GPR137C: variants seen among roughly 807,000 people sequenced by gnomAD.
GPR137C encodes the protein integral membrane protein GPR137C.
GPR137C carries 27 observed loss-of-function variants against 43.4 expected under a neutral mutation model. The ratio of observed to expected loss-of-function variants is 0.62; its 90% CI spans 0.46 to 0.86. The LOEUF is 0.86. Among genes scored for constraint, GPR137C ranks in the 40% least tolerant of loss-of-function variants. The pLI, the probability that GPR137C is intolerant of heterozygous loss-of-function variation, is 0.00. For synonymous variants in GPR137C, 285 were observed against 226.9 expected, an observed-to-expected ratio of 1.26 and a Z score of -2.30; for missense variants, 522 against 534.6, an observed-to-expected ratio of 0.98 and a Z score of 0.23.
chr14:52,570,390 A>G (rs2139457527), intron 1 of GPR137C, among the ~76,000 whole-genome samples: 1 of 152,304 alleles, frequency 6.6e-6, no homozygotes, highest in African/African-American at 2.4e-5. Context: ...CACTGCAAAA[A>G]CATACCAGAT....
At chr14:52,572,072 C>A (rs920348685) in intron 1 of GPR137C, among the ~76,000 whole-genome samples, 7 of 152,122 alleles carry the variant, frequency 4.6e-5, no homozygotes, top group African/African-American at 1.7e-4. Context: ...CCGAGTAGAC[C>A]AATAACAACT....
intron 3 of GPR137C, among the ~76,000 whole-genome samples, chr14:52,623,092 C>G (rs1429758558): frequency 6.6e-6 from 1 of 152,078 alleles, no homozygotes; most frequent in African/African-American, 2.4e-5. Flanking sequence ...CTTGTGTTTC[C>G]TATCAGGCGT....
intron 1 of GPR137C, among the ~76,000 whole-genome samples, chr14:52,564,890 C>T (rs2038342837): frequency 6.6e-6 from 1 of 151,884 alleles, no homozygotes; most frequent in African/African-American, 2.4e-5. Context: ...TTTGGTCTAC[C>T]CTTTTCTTCC....
intron 3 of GPR137C, among the ~76,000 whole-genome samples, chr14:52,615,726 T>G (rs1406529379): frequency 1.3e-5 from 2 of 152,210 alleles, no homozygotes; most frequent in African/African-American, 4.8e-5. Flanking sequence ...TTGTGGCTAT[T>G]ATAAATGAGA....
At chr14:52,631,394 A>G (rs575858442) in intron 3 of GPR137C, among the ~76,000 whole-genome samples, 5 of 152,276 alleles carry the variant, frequency 3.3e-5, no homozygotes, top group African/African-American at 1.2e-4. Flanking sequence ...TTTCTGTGCA[A>G]TGGAACTCTT....
chr14:52,625,807 G>C (rs2039219435), intron 3 of GPR137C, among the ~76,000 whole-genome samples: 1 of 151,682 alleles, frequency 6.6e-6, no homozygotes, highest in Non-Finnish European at 1.5e-5. Flanking sequence ...ACCTACCTCG[G>C]CCTCCCAAAG....
chr14:52,591,719 A>G (rs1480717496), intron 1 of GPR137C, among the ~76,000 whole-genome samples: 2 of 151,944 alleles, frequency 1.3e-5, no homozygotes, highest in Non-Finnish European at 2.9e-5. Context: ...TAGATTCTGG[A>G]TATTAGCCCT....
chr14:52,609,490 C>T (rs926285743), intron 3 of GPR137C, among the ~76,000 whole-genome samples: 1 of 152,122 alleles, frequency 6.6e-6, no homozygotes, highest in African/African-American at 2.4e-5. Flanking sequence ...GTCTACACAC[C>T]AAGGGGTTAC....
intron 3 of GPR137C, among the ~76,000 whole-genome samples, chr14:52,608,421 C>A (rs1184034395): frequency 2.0e-5 from 3 of 152,142 alleles, no homozygotes; most frequent in East Asian, 1.9e-4. Flanking sequence ...ACATTTTGAA[C>A]GTTTGATGGC....
At chr14:52,628,386 AACAAGTG>A (rs1235956446) in intron 3 of GPR137C, among the ~76,000 whole-genome samples, 1 of 152,244 alleles carries the variant, frequency 6.6e-6, no homozygotes, top group African/African-American at 2.4e-5. Flanking sequence ...ATGTAAATGA[AACAAGTG>A]AAAAGCTTCC....
chr14:52,632,399 A>G, intron 4 of GPR137C, 90 bp downstream of exon 4: 1 of 884,040 alleles, frequency 1.1e-6, no homozygotes, highest in Admixed American at 2.6e-5. Context: ...ACTTACAAAC[A>G]CATTTATGGA....
intron 1 of GPR137C, among the ~76,000 whole-genome samples, chr14:52,554,352 G>C (rs778454278): frequency 1.3e-5 from 2 of 152,162 alleles, no homozygotes; most frequent in African/African-American, 2.4e-5. Flanking sequence ...CCACCAAACT[G>C]TTTTTGCAAT....
intron 3 of GPR137C, among the ~76,000 whole-genome samples, chr14:52,603,671 A>T (rs1182900150): frequency 6.6e-6 from 1 of 152,016 alleles, no homozygotes; most frequent in Non-Finnish European, 1.5e-5. Context: ...AGTAGCTGGG[A>T]TTACAGGTGC....
chr14:52,574,639 C>G (rs945362424), intron 1 of GPR137C, among the ~76,000 whole-genome samples: 1 of 152,160 alleles, frequency 6.6e-6, no homozygotes, highest in Non-Finnish European at 1.5e-5. Flanking sequence ...GTGCAGCAAA[C>G]CACCATGGCA....
intron 3 of GPR137C, among the ~76,000 whole-genome samples, chr14:52,617,400 C>T (rs866812637): frequency 1.8e-4 from 27 of 151,922 alleles, no homozygotes; most frequent in African/African-American, 6.3e-4. Context: ...GGAAACTGGC[C>T]GGGCGCGGGG....
intron 1 of GPR137C, among the ~76,000 whole-genome samples, chr14:52,581,597 A>C (rs1357663919): frequency 6.6e-6 from 1 of 152,130 alleles, no homozygotes; most frequent in East Asian, 1.9e-4. Flanking sequence ...TTATGGCTAA[A>C]GTAGCTAAAT....
intron 1 of GPR137C, among the ~76,000 whole-genome samples, chr14:52,580,461 A>G (rs1356256962): frequency 1.3e-5 from 2 of 152,076 alleles, no homozygotes; most frequent in African/African-American, 2.4e-5. Flanking sequence ...CTCTGGGCCC[A>G]AGCAGTTCTC....
At chr14:52,592,155 G>A (rs1036260872) in intron 1 of GPR137C, among the ~76,000 whole-genome samples, 1 of 152,098 alleles carries the variant, frequency 6.6e-6, no homozygotes, top group Non-Finnish European at 1.5e-5. Flanking sequence ...TGTTATTTCT[G>A]AGGGCTCTGT....
chr14:52,583,237 CT>C (rs1350313842), intron 1 of GPR137C, among the ~76,000 whole-genome samples: 3 of 152,144 alleles, frequency 2.0e-5, no homozygotes, highest in Non-Finnish European at 4.4e-5. Flanking sequence ...ATTTCAGTAT[CT>C]TAACAAATGA....
Sources: gnomAD v4.1 joint callset for allele counts (sites outside exome capture counted in the v4.1 genomes callset) on GRCh38, gnomAD v4.1.1 for gene constraint, MANE v1.5 for transcripts, NCBI Gene and HGNC (gene_info 2026-07-23, HGNC 2026-07-21) for gene names.